PTPRH: variants seen among roughly 807,000 people sequenced by gnomAD.
PTPRH encodes receptor-type tyrosine-protein phosphatase H.
A neutral mutation model predicts 130.2 loss-of-function variants in PTPRH; 113 were observed. The observed-to-expected ratio is 0.87, with a 90% confidence interval of 0.75 to 1.01. PTPRH has a LOEUF of 1.01. Ranked by LOEUF, PTPRH falls within the 50% of genes least tolerant of loss-of-function variation. The pLI is 0.00. For missense variants in PTPRH, 1,430 were observed against 1,425.0 expected (o/e 1.00, Z -0.06); for synonymous variants, 556 against 577.9 (o/e 0.96, Z 0.54).
At chr19:55,194,118 G>A in intron 10 of PTPRH, 4 of 1,278,686 alleles carry the variant, frequency 3.1e-6, no homozygotes, top group Non-Finnish European at 4.1e-6. Context: ...CCAAAGTGCT[G>A]GGATTACAGG....
At chr19:55,195,622 G>C (rs2086660005) in intron 10 of PTPRH, among the ~76,000 whole-genome samples, 1 of 152,230 alleles carries the variant, frequency 6.6e-6, no homozygotes. Flanking sequence ...ACCCAGGCTG[G>C]AGTGCAGTGG....
chr19:55,196,850 C>G, intron 9 of PTPRH, 62 bp from the exon 10 acceptor site: 2 of 1,560,032 alleles, frequency 1.3e-6, no homozygotes, highest in East Asian at 4.5e-5. Flanking sequence ...CCCCTCCACC[C>G]CTACCCCCAG....
In PTPRH at chr19:55,188,091, G is replaced by A; in HGVS notation, c.2462C>T (p.Ala821Val). The A allele has an allele frequency of 1.2e-6, 2 of 1,614,042 alleles. No homozygotes were observed. Among genetic ancestry groups the A allele is most frequent in the Non-Finnish European group, 1.7e-6 (2 of 1,179,904 alleles). ...TCCTCTCCCCACCTGGTACTCGTCT[G>A]CAAAACCACAGTTGCTGTCCCTCTC... is the stretch of plus-strand genomic sequence containing the variant. Reference protein sequence around the residue: ...KNERDSNCGFADEYQQLSLVG... With the variant: ...KNERDSNCGFVDEYQQLSLVG... The change falls in exon 13 of 20, where the codon GCA becomes GTA. Residue 821 changes from alanine (A) to valine (V), a missense_variant. Physicochemically the swap from Ala to Val is moderately conservative, Grantham distance 64 (BLOSUM62 0). Transcript: ENST00000376350.
rs372445009 is a variant in PTPRH, at chr19:55,202,300, C to G, written c.909G>C (p.Leu303=). The G allele has an allele frequency of 9.9e-6, 16 of 1,614,084 alleles. No homozygotes were observed. The highest frequency in any genetic ancestry group is 1.3e-5 in the Non-Finnish European group (15 of 1,180,042). The change falls in exon 6 of 20, where the codon CTG becomes CTC. Residue 303 remains leucine, a synonymous_variant. Coordinates refer to ENST00000376350, the MANE Select transcript of PTPRH (RefSeq NM_002842.5). ...AGCTGTTGGTCTGAGCCTCCACTGT[C>G]AGGTTTCTCACTGGGTTGGGAGCTG... ...SATAPNPVRN[L]TVEAQTNSSI...
intron 12 of PTPRH, among the ~76,000 whole-genome samples, chr19:55,190,142 A>C (rs1044328552): frequency 6.6e-6 from 1 of 152,106 alleles, no homozygotes; most frequent in South Asian, 2.1e-4. Flanking sequence ...AGGCCGAGGC[A>C]GGTGGATCAC....
chr19:55,199,300 G>A (rs999917766), intron 7 of PTPRH, among the ~76,000 whole-genome samples: 9 of 149,822 alleles, frequency 6.0e-5, no homozygotes, highest in African/African-American at 7.4e-5. Flanking sequence ...GAGCAGGACC[G>A]TCTCAAAAGA....
chr19:55,194,223 G>A (rs909745101), intron 10 of PTPRH: 29 of 1,289,572 alleles, frequency 2.2e-5, no homozygotes, highest in Middle Eastern at 4.3e-4. Flanking sequence ...TAGATGTCTC[G>A]TCTTAGGGTA....
At chr19:55,198,963 T>C (rs1176656105) in intron 7 of PTPRH, 51 bp from the exon 8 acceptor site, 2 of 1,459,648 alleles carry the variant, frequency 1.4e-6, no homozygotes, top group African/African-American at 1.4e-5. Context: ...TCCTCAAGAG[T>C]CCAGAACACA....
At chr19:55,201,871 AGC>A (rs2063442271) in intron 6 of PTPRH, among the ~76,000 whole-genome samples, 183 bp downstream of exon 6, 1 of 152,218 alleles carries the variant, frequency 6.6e-6, no homozygotes, top group Non-Finnish European at 1.5e-5. Context: ...CCAACTTAGC[AGC>A]TGGAGGTACC....
At chr19:55,194,192 A>C in intron 10 of PTPRH, 3 of 1,289,464 alleles carry the variant, frequency 2.3e-6, no homozygotes, top group Non-Finnish European at 3.0e-6. Context: ...CTGATGGCAC[A>C]GTTCTCCCAA....
At chr19:55,187,386 GA>G (rs929088425) in intron 14 of PTPRH, 126 bp downstream of exon 14, 866 of 336,438 alleles carry the variant, frequency 2.6e-3, no homozygotes, top group East Asian at 4.5e-3. Flanking sequence ...AAAAAAGGAA[GA>G]AAAAAAAAAG....
At chr19:55,201,812 C>G (rs914522149) in intron 6 of PTPRH, among the ~76,000 whole-genome samples, 3 of 152,184 alleles carry the variant, frequency 2.0e-5, no homozygotes, top group South Asian at 4.1e-4. Context: ...GGAAGGTGCC[C>G]CTTGGCATTA....
At chr19:55,194,410 C>A in intron 10 of PTPRH, 1 of 1,084,808 alleles carries the variant, frequency 9.2e-7, no homozygotes, top group Non-Finnish European at 1.2e-6. Context: ...AGGACCTGTT[C>A]TCTCAGGGAT....
At chr19:55,204,542 G>A (rs1413107679) in intron 4 of PTPRH, among the ~76,000 whole-genome samples, 1 of 152,190 alleles carries the variant, frequency 6.6e-6, no homozygotes, top group African/African-American at 2.4e-5. Context: ...GTGAAATGCA[G>A]GTTCTCACTC....
At chr19:55,189,538 T>C (rs1015014703) in intron 12 of PTPRH, among the ~76,000 whole-genome samples, 2 of 152,220 alleles carry the variant, frequency 1.3e-5, no homozygotes, top group African/African-American at 4.8e-5. Context: ...TCACGTGTGC[T>C]GTTGCCTCAG....
In PTPRH at chr19:55,200,398, A is replaced by G; in HGVS notation, c.1258T>C (p.Trp420Arg). The change falls in exon 7 of 20, where the codon TGG (tryptophan) becomes CGG (arginine). Residue 420 changes from tryptophan to arginine, a missense_variant. Transcript: ENST00000376350. ...CCACCGTCTCCAGTGTACTCTACCC[A>G]GTAGGTGTAGTCCTGAGGGTATGGG... is the stretch of plus-strand genomic sequence containing the variant. ...DGPYPQDYTY[W>R]VEYTGDGGGT... The G allele has an allele frequency of 6.2e-7, 1 of 1,614,182 alleles. No homozygotes were observed. The highest frequency in any genetic ancestry group is 8.5e-7 in the Non-Finnish European group (1 of 1,180,036).
rs773542164 is a variant in PTPRH at position 55,191,745 on chromosome 19, T to A, written c.2258-4A>T. On this transcript the variant is annotated splice_region_variant and splice_polypyrimidine_tract_variant and intron_variant, in intron 10 of 19. Transcript: ENST00000376350. ...ACAAAGGCTCCGGCAATGACCCCTG[T>A]GGGGAGGAGGCATCGGGAACCCTCA... is the stretch of plus-strand genomic sequence containing the variant. The A allele has an allele frequency of 2.5e-6, 4 of 1,612,702 alleles. No homozygotes were observed. The highest frequency in any genetic ancestry group is 3.4e-6 in the Non-Finnish European group (4 of 1,178,970).
intron 6 of PTPRH, among the ~76,000 whole-genome samples, chr19:55,201,158 A>G (rs1026279475): frequency 6.6e-6 from 1 of 151,994 alleles, no homozygotes; most frequent in Non-Finnish European, 1.5e-5. Flanking sequence ...AGGTAGGGAG[A>G]TTGCTTGAGG....
At chr19:55,189,687 C>A (rs759462405) in intron 12 of PTPRH, 10 of 455,882 alleles carry the variant, frequency 2.2e-5, no homozygotes, top group South Asian at 1.4e-4. Context: ...AATATCCTGC[C>A]GAAAATATTC....
Sources: gnomAD v4.1 joint callset for allele counts (sites outside exome capture counted in the v4.1 genomes callset) on GRCh38, gnomAD v4.1.1 for gene constraint, MANE v1.5 for transcripts, NCBI Gene and HGNC (gene_info 2026-07-23, HGNC 2026-07-21) for gene names.